Variants in STK3 observed in about 807,000 individuals in gnomAD.
STK3 encodes serine/threonine-protein kinase 3.
A neutral mutation model predicts 58.0 loss-of-function variants in STK3; 41 were observed. The ratio of observed to expected loss-of-function variants is 0.71; its 90% CI spans 0.55 to 0.92. The LOEUF is 0.92. Ranked by LOEUF, STK3 falls within the 40% of genes least tolerant of loss-of-function variation. The pLI is 0.00. For synonymous variants in STK3, 170 were observed against 191.0 expected, an observed-to-expected ratio of 0.89 and a Z score of 0.91; for missense variants, 479 against 602.7, an observed-to-expected ratio of 0.79 and a Z score of 2.15.
At chr8:98,450,395 T>C (rs1586590403), downstream of STK3, among the ~76,000 whole-genome samples, 3 of 152,368 alleles carry the variant, frequency 2.0e-5, no homozygotes, top group South Asian at 2.1e-4. Context: ...ATTGTACATG[T>C]CCTAGAACAT....
intron 3 of STK3, among the ~76,000 whole-genome samples, chr8:98,419,967 G>T (rs1818152118): frequency 6.6e-6 from 1 of 152,132 alleles, no homozygotes; most frequent in African/African-American, 2.4e-5. Context: ...TAGATGGAAG[G>T]ATACTGATCT....
chr8:98,502,033 A>G (rs982743101), intron 10 of STK3, among the ~76,000 whole-genome samples: 2 of 152,206 alleles, frequency 1.3e-5, no homozygotes, highest in Non-Finnish European at 2.9e-5. Context: ...CCTCCTATCC[A>G]TGAGCAAGGA....
chr8:98,384,156 G>A (rs4734401), intron 1 of STK3, among the ~76,000 whole-genome samples: 9,177 of 152,256 alleles, frequency 0.06, 681 homozygotes, highest in East Asian at 0.16. Context: ...ATAATAAGAC[G>A]TTTCCACTTT....
intron 7 of STK3, among the ~76,000 whole-genome samples, chr8:98,592,679 G>C (rs1245234418): frequency 6.6e-6 from 1 of 151,944 alleles, no homozygotes; most frequent in Non-Finnish European, 1.5e-5. Flanking sequence ...AAGTACCTCT[G>C]TTTTCCAACT....
intron 6 of STK3, among the ~76,000 whole-genome samples, chr8:98,652,447 C>A (rs1056950792): frequency 5.9e-5 from 9 of 152,024 alleles, no homozygotes; most frequent in Non-Finnish European, 1.3e-4. Flanking sequence ...AACCAGCTAA[C>A]ATCATCATGA....
At chr8:98,665,209 G>A (rs971384398) in intron 6 of STK3, among the ~76,000 whole-genome samples, 10 of 152,054 alleles carry the variant, frequency 6.6e-5, no homozygotes, top group African/African-American at 1.4e-4. Context: ...AGATGATTAC[G>A]TTACGTAATT....
At chr8:98,697,338 T>C (rs1001888664) in intron 6 of STK3, among the ~76,000 whole-genome samples, 4 of 152,184 alleles carry the variant, frequency 2.6e-5, no homozygotes, top group African/African-American at 9.7e-5. Context: ...TTTGAAGGGT[T>C]TTTTGTGTCT....
chr8:98,499,385 C>A (rs1823398212), intron 10 of STK3, among the ~76,000 whole-genome samples: 1 of 152,146 alleles, frequency 6.6e-6, no homozygotes, highest in African/African-American at 2.4e-5. Flanking sequence ...GAAACTAATA[C>A]AGATTTTGGA....
At chr8:98,577,575 G>A (rs959138787) in intron 8 of STK3, among the ~76,000 whole-genome samples, 29 of 152,150 alleles carry the variant, frequency 1.9e-4, no homozygotes, top group African/African-American at 6.8e-4. Context: ...AAGACAGTGA[G>A]AGGTCCTCTT....
At chr8:98,861,032 C>T (rs572923814) in intron 3 of STK3, among the ~76,000 whole-genome samples, 16 of 151,974 alleles carry the variant, frequency 1.1e-4, no homozygotes, top group African/African-American at 3.9e-4. Flanking sequence ...TACACTCCAG[C>T]CTGGGGGACA....
At chr8:98,900,723 G>A (rs7826107) in intron 1 of STK3, among the ~76,000 whole-genome samples, 2,815 of 150,378 alleles carry the variant, frequency 0.019, 91 homozygotes, top group African/African-American at 0.066. Flanking sequence ...GTGCAGTGGT[G>A]CAATCTTAGC....
chr8:98,597,836 A>AC, intron 6 of STK3: 6 of 985,180 alleles, frequency 6.1e-6, no homozygotes, highest in Non-Finnish European at 7.2e-6. Flanking sequence ...AAAAAAAAAA[A>AC]CACATATGAA....
Position 98,588,900 on chromosome 8 carries a change from G to A in STK3, c.822+7132C>T, listed in dbSNP as rs1385355351. On this transcript the variant is annotated intron_variant, in intron 7 of 10. Coordinates refer to ENST00000419617, the MANE Select transcript of STK3 (RefSeq NM_006281.4). Reference sequence around the variant, plus strand: ...TCCAGTTGATCGCATCGGCTCCTGAGGCTTCTGCATTCTTCACGTAGTTCT... The same window carrying A: ...TCCAGTTGATCGCATCGGCTCCTGAAGCTTCTGCATTCTTCACGTAGTTCT... 2.7e-5 allele frequency among the ~76,000 whole-genome samples: 4 copies of A among 149,746 alleles called. No homozygotes were observed. The East Asian group carries it at 7.9e-4, about 29-fold the overall frequency.
intron 3 of STK3, among the ~76,000 whole-genome samples, chr8:98,409,447 C>A (rs928979655): frequency 2.0e-5 from 3 of 152,224 alleles, no homozygotes; most frequent in Non-Finnish European, 2.9e-5. Context: ...ACTTCTCTTC[C>A]TTCCCAAGGC....
Position 98,795,113 on chromosome 8 carries a change from T to A in STK3, c.27-20294A>T, listed in dbSNP as rs1458761010. Among the ~76,000 whole-genome samples, 539 of 82,992 alleles carry A rather than the reference T, an allele frequency of 6.5e-3. 6 individuals carry two copies. The highest frequency in any genetic ancestry group is 0.016 in the African/African-American group (324 of 19,646). The allele number at this position is 82,992 out of a possible 152,430, so 54.4% of individuals were successfully genotyped here. A position where few individuals can be genotyped will look rare whatever the true frequency, so the allele number is the denominator to read the frequency against. ...AAAAAAAAAAAAAAAAATATATATA[T>A]ATATATATATATATATACATACTAG... On this transcript the variant is annotated intron_variant, in intron 1 of 10. Coordinates refer to ENST00000419617, the MANE Select transcript of STK3 (RefSeq NM_006281.4).
chr8:98,455,469 C>A lies in STK3; in HGVS notation c.*373G>T. ...TTACCTAAGGGGATACAATAAATAG[C>A]CTAGTATACTAGATAGGAATAAAGA... On this transcript the variant is annotated 3_prime_UTR_variant, in exon 11 of 11. Transcript: ENST00000419617. The A allele has an allele frequency of 5.9e-6, 1 of 170,204 alleles. No homozygotes were observed. The highest frequency in any genetic ancestry group is 1.7e-4 in the South Asian group (1 of 5,934). The allele number at this position is 170,204 out of a possible 1,614,324, so 10.5% of individuals were successfully genotyped here.
chr8:98,855,058 A>AAAC (rs374263713), intron 3 of STK3, among the ~76,000 whole-genome samples: 42 of 151,966 alleles, frequency 2.8e-4, no homozygotes, highest in East Asian at 9.6e-4. Flanking sequence ...CGCTGTCTCA[A>AAAC]AACAACAACA....
chr8:98,842,767 G>A (rs1346879152), intron 3 of STK3, among the ~76,000 whole-genome samples: 7 of 152,052 alleles, frequency 4.6e-5, no homozygotes, highest in Non-Finnish European at 7.4e-5. Flanking sequence ...TTGGTAGGCC[G>A]AGGCAGGTGG....
At chr8:98,514,002 T>C (rs531304153) in intron 10 of STK3, among the ~76,000 whole-genome samples, 1 of 152,300 alleles carries the variant, frequency 6.6e-6, no homozygotes, top group African/African-American at 2.4e-5. Context: ...AGAGACATTT[T>C]GCAGCACTTA....
Sources: allele counts gnomAD v4.1 joint callset (sites outside exome capture counted in the v4.1 genomes callset), GRCh38; gene constraint gnomAD v4.1.1; transcripts MANE v1.5; gene names NCBI Gene and HGNC (gene_info 2026-07-23, HGNC 2026-07-21).